Variants in DGKK observed in about 807,000 individuals in gnomAD.
DGKK encodes diacylglycerol kinase kappa, also known as 142 kDa diacylglycerol kinase.
In DGKK, 35 loss-of-function variants were observed where a neutral mutation model predicts 92.2. The ratio of observed to expected loss-of-function variants is 0.38; its 90% confidence interval spans 0.29 to 0.50. The LOEUF (loss-of-function observed/expected upper bound fraction) is 0.50. DGKK is among the 20% of genes least tolerant of loss of function. DGKK has a pLI of 0.92. For synonymous variants in DGKK, 368 were observed against 360.6 expected (o/e 1.02, Z -0.23); for missense variants, 910 against 992.2 (o/e 0.92, Z 1.11).
chrX:50,459,199 G>T (rs1378205760), intron 1 of DGKK, among the ~76,000 whole-genome samples: 1 of 111,114 alleles, frequency 9.0e-6, no homozygotes, highest in Non-Finnish European at 1.9e-5. Context: ...ACTGTTAAAT[G>T]CCCATGTAAC....
At chrX:50,404,275 G>T in intron 4 of DGKK, 91 bp from the exon 5 acceptor site, 3 of 1,033,379 alleles carry the variant, frequency 2.9e-6, no homozygotes, top group South Asian at 2.3e-5. Context: ...GTCTAAAATG[G>T]CCTGCTGTAT....
Position 50,366,448 on chromosome X carries a change from T to C in DGKK, c.*2492A>G, listed in dbSNP as rs1214125199. 1 of 111,033 alleles carries C rather than the reference T, an allele frequency of 9.0e-6. No individual in the cohort carries two copies. Among genetic ancestry groups the C allele is most frequent in the Non-Finnish European group, 1.9e-5 (1 of 53,000 alleles). The allele number at this position is 111,033 out of a possible 1,213,427, so 9.2% of individuals were successfully genotyped here. A position where few individuals can be genotyped will look rare whatever the true frequency, so the allele number is the denominator to read the frequency against. ...CAGTCAATATCATTCTGACTCAGAG[T>C]GGGAGGACAGGGTAGGTGAAAGGGA... is the stretch of plus-strand genomic sequence containing the variant. On this transcript the variant is annotated 3_prime_UTR_variant, in exon 28 of 28. Transcript: ENST00000611977.
chrX:50,411,539 C>A (rs1316085223), intron 4 of DGKK, among the ~76,000 whole-genome samples: 1 of 111,494 alleles, frequency 9.0e-6, no homozygotes, highest in African/African-American at 3.3e-5. Flanking sequence ...AAGAAAAAAA[C>A]CTCTCAACAG....
intron 1 of DGKK, among the ~76,000 whole-genome samples, chrX:50,459,551 A>G (rs577028676): frequency 2.7e-5 from 3 of 111,097 alleles, no homozygotes; most frequent in South Asian, 3.8e-4. Context: ...GAAGAGAACC[A>G]CTAATGGGTA....
In DGKK at chrX:50,378,622, C is replaced by G; in HGVS notation, c.2932G>C (p.Ala978Pro). The G allele has an allele frequency of 8.3e-7, 1 of 1,209,624 alleles. No homozygotes were observed. The highest frequency in any genetic ancestry group is 1.1e-6 in the Non-Finnish European group (1 of 894,510). ...TGCAGGTTGATGATACGGGACATTG[C>G]CATCTGCACAGAACCAAAGATTGCC... ...VVAIFGSVQMAMSRIINLHHH... is the reference protein window; with the variant it reads ...VVAIFGSVQMPMSRIINLHHH... The change falls in exon 21 of 28, where the codon GCA (alanine) becomes CCA (proline). Residue 978 changes from alanine to proline, a missense_variant. Ala to Pro is a conservative substitution (Grantham distance 27). Transcript: ENST00000611977.
intron 26 of DGKK, among the ~76,000 whole-genome samples, 161 bp downstream of exon 26, chrX:50,371,563 T>TG (rs1924126356): frequency 9.0e-6 from 1 of 111,720 alleles, no homozygotes; most frequent in South Asian, 3.9e-4. Flanking sequence ...ATGAAGAGAT[T>TG]GGGGGGAGGT....
rs185147396 is a variant in DGKK, at chrX:50,372,105, T to C, written c.3502-271A>G. On this transcript the variant is annotated intron_variant, in intron 25 of 27. Transcript: ENST00000611977. Reference sequence around the variant, plus strand: ...ATCAATTAACACTGAGCTTCACCCCTACAGCTTAGGGTTGAGGACAAGGGT... The same window carrying C: ...ATCAATTAACACTGAGCTTCACCCCCACAGCTTAGGGTTGAGGACAAGGGT... Among the ~76,000 whole-genome samples the C allele has an allele frequency of 3.6e-5, 4 of 111,948 alleles. No individual in the cohort carries two copies. In the East Asian group the frequency reaches 1.1e-3, roughly 32 times the overall value.
intron 4 of DGKK, among the ~76,000 whole-genome samples, chrX:50,414,988 C>T (rs1442384190): frequency 3.6e-5 from 4 of 112,075 alleles, no homozygotes; most frequent in Admixed American, 9.4e-5. Context: ...ATCAATAGAG[C>T]TGCCATCCCA....
chrX:50,367,314 C>A lies in DGKK; in HGVS notation c.*1626G>T, dbSNP rs1330663502. 2 of 111,569 alleles carry A rather than the reference C, an allele frequency of 1.8e-5. No homozygotes were observed. The highest frequency in any genetic ancestry group is 3.8e-5 in the Non-Finnish European group (2 of 53,119). 9.2% of individuals were successfully genotyped at this position (111,569 alleles called of 1,213,427 possible). ...AAGATGCAAGGCTGACCAGAGAGAA[C>A]CTCTCTGGGCATTGGGGTTTGATTA... On this transcript the variant is annotated 3_prime_UTR_variant, in exon 28 of 28. Coordinates refer to ENST00000611977, the MANE Select transcript of DGKK (RefSeq NM_001013742.4).
intron 1 of DGKK, among the ~76,000 whole-genome samples, chrX:50,432,850 C>G (rs1489850349): frequency 8.9e-6 from 1 of 112,069 alleles, no homozygotes; most frequent in Non-Finnish European, 1.9e-5. Context: ...CCTGTGTCTT[C>G]TCAAATATCT....
rs782200211 is a variant in DGKK, at chrX:50,420,487, T to G, written c.858A>C (p.Lys286Asn). Residue 286 changes from lysine to asparagine, a missense_variant, in exon 4 of 28, where the codon AAA becomes AAC. Lys to Asn is a moderately conservative substitution (Grantham distance 94). Transcript: ENST00000611977. ...HSFCVITPQR[K>N]ITLAAPNRKD... ...TCCGGTTGGGTGCAGCCAGAGTGAT[T>G]TTTCGTTGTGGTGTAATAACCTAAA... 70 of 1,208,712 alleles carry G rather than the reference T, an allele frequency of 5.8e-5. No individual in the cohort carries two copies. The South Asian group carries it at 1.0e-3, about 18-fold the overall frequency.
At chrX:50,435,590 G>A (rs1925998564) in intron 1 of DGKK, among the ~76,000 whole-genome samples, 1 of 112,036 alleles carries the variant, frequency 8.9e-6, no homozygotes, top group East Asian at 2.8e-4. Flanking sequence ...TCATGAGGAA[G>A]GTAGACAGAA....
intron 1 of DGKK, among the ~76,000 whole-genome samples, chrX:50,459,601 C>CA (rs1342645788): frequency 2.7e-5 from 3 of 109,917 alleles, no homozygotes; most frequent in African/African-American, 9.9e-5. Flanking sequence ...CTCTCACATC[C>CA]AAAAAAACAA....
intron 1 of DGKK, among the ~76,000 whole-genome samples, chrX:50,467,297 C>T (rs1926932127): frequency 8.9e-6 from 1 of 112,359 alleles, no homozygotes; most frequent in South Asian, 3.7e-4. Flanking sequence ...AACATGAGCC[C>T]CCTTTTCTCA....
intron 1 of DGKK, among the ~76,000 whole-genome samples, chrX:50,433,949 G>A (rs1047875191): frequency 1.5e-4 from 17 of 111,320 alleles, no homozygotes; most frequent in African/African-American, 4.2e-4. Flanking sequence ...TGCTGCCATC[G>A]CATAAAAAGT....
intron 18 of DGKK, 52 bp from the exon 19 acceptor site, chrX:50,380,129 A>C: frequency 9.0e-6 from 9 of 999,967 alleles, no homozygotes; most frequent in Non-Finnish European, 1.1e-5. Context: ...ATATAGATAA[A>C]TGGTGGAAAA....
rs188429545 is a variant in DGKK at position 50,456,104 on chromosome X, A to G, written c.645+13930T>C. On this transcript the variant is annotated intron_variant, in intron 1 of 27. Transcript: ENST00000611977. ...AGTTTTCCTTCTCATTTAAAAGGAAAAGTTGTTCCTTCTGATTGGAAACAA... is the reference window on the plus strand; with the variant it reads ...AGTTTTCCTTCTCATTTAAAAGGAAGAGTTGTTCCTTCTGATTGGAAACAA... Among the ~76,000 whole-genome samples the G allele has an allele frequency of 4.5e-3, 502 of 111,714 alleles. 4 individuals are homozygous for G. The highest frequency in any genetic ancestry group is 0.016 in the African/African-American group (489 of 30,760).
Position 50,370,384 on chromosome X carries a change from G to C in DGKK, c.3736+42C>G, listed in dbSNP as rs781827565. ...TCCCTGGGAGGTAGCCAGGCTGTTGGGGGAAGTCTTCATGACCCCTCTGCC... is the reference window on the plus strand; with the variant it reads ...TCCCTGGGAGGTAGCCAGGCTGTTGCGGGAAGTCTTCATGACCCCTCTGCC... On this transcript the variant is annotated intron_variant, in intron 27 of 27. Transcript: ENST00000611977. 9 of 1,163,039 alleles carry C rather than the reference G, an allele frequency of 7.7e-6. No individual in the cohort carries two copies. The African/African-American group carries it at 1.6e-4, about 21-fold the overall frequency.
Position 50,379,622 on chromosome X carries a change from C to G in DGKK, c.2862+5G>C. 8.3e-7 allele frequency: 1 copy of G among 1,200,006 alleles called. No homozygotes were observed. Among genetic ancestry groups the G allele is most frequent in the East Asian group, 3.0e-5 (1 of 33,789 alleles). On this transcript the variant is annotated splice_donor_5th_base_variant and intron_variant, in intron 20 of 27. Transcript: ENST00000611977. ...CTTCCTCCCCATTCCTTGTTCCATA[C>G]TAACCGTGGTTGCTGTGTTGCTTCC...
Sources: gnomAD v4.1 joint callset for allele counts (sites outside exome capture counted in the v4.1 genomes callset) on GRCh38, gnomAD v4.1.1 for gene constraint, MANE v1.5 for transcripts, NCBI Gene and HGNC (gene_info 2026-07-23, HGNC 2026-07-21) for gene names.